Variants in WWOX observed in about 807,000 individuals in gnomAD.
WWOX encodes the protein WW domain-containing oxidoreductase.
A neutral mutation model predicts 46.2 loss-of-function variants in WWOX; 69 were observed. The observed-to-expected ratio is 1.49, with a 90% CI of 1.23 to 1.82. The LOEUF (loss-of-function observed/expected upper bound fraction) is 1.82. Ranked by LOEUF, WWOX falls within the 40% of genes most tolerant of loss-of-function variation. The pLI is 0.00. For missense variants in WWOX, 919 were observed against 542.6 expected, an observed-to-expected ratio of 1.69 and a Z score of -6.89; for synonymous variants, 359 against 202.6, an observed-to-expected ratio of 1.77 and a Z score of -6.56.
At chr16:78,678,729 G>A (rs1323214825) in intron 8 of WWOX, among the ~76,000 whole-genome samples, 1 of 152,192 alleles carries the variant, frequency 6.6e-6, no homozygotes, top group Non-Finnish European at 1.5e-5. Flanking sequence ...CGGAGGGCTG[G>A]AAGGGAGGAA....
chr16:78,587,843 A>T (rs956473036), intron 8 of WWOX, among the ~76,000 whole-genome samples: 1 of 152,162 alleles, frequency 6.6e-6, no homozygotes, highest in Non-Finnish European at 1.5e-5. Context: ...GTGAATGCCA[A>T]TTCCTTGCTG....
intron 8 of WWOX, among the ~76,000 whole-genome samples, chr16:78,727,041 G>A (rs1355783740): frequency 6.6e-6 from 1 of 152,172 alleles, no homozygotes; most frequent in Non-Finnish European, 1.5e-5. Context: ...CCTTATTCCA[G>A]CACGTGGCAT....
At chr16:79,000,473 G>C (rs2047071691) in intron 8 of WWOX, among the ~76,000 whole-genome samples, 1 of 152,168 alleles carries the variant, frequency 6.6e-6, no homozygotes, top group Non-Finnish European at 1.5e-5. Flanking sequence ...ATGGGGAAAA[G>C]AGAGGCAGAT....
intron 8 of WWOX, among the ~76,000 whole-genome samples, chr16:78,436,880 C>T (rs1370946790): frequency 6.6e-6 from 1 of 152,186 alleles, no homozygotes; most frequent in Admixed American, 6.5e-5. Context: ...ACAAAGGGTG[C>T]ATTTCTGCTA....
chr16:78,273,012 ATTTG>A (rs1049287104), intron 5 of WWOX, among the ~76,000 whole-genome samples: 12 of 151,718 alleles, frequency 7.9e-5, no homozygotes, highest in Admixed American at 3.9e-4. Context: ...TTGTTTGTTT[ATTTG>A]TTTGTTTGTT....
At chr16:78,801,581 A>G (rs1228636013) in intron 8 of WWOX, among the ~76,000 whole-genome samples, 1 of 152,128 alleles carries the variant, frequency 6.6e-6, no homozygotes, top group Admixed American at 6.5e-5. Context: ...AATGCAGCCA[A>G]AGTCCTTACT....
chr16:79,051,716 T>C (rs915758426), intron 8 of WWOX, among the ~76,000 whole-genome samples: 7 of 152,242 alleles, frequency 4.6e-5, no homozygotes, highest in Non-Finnish European at 1.0e-4. Context: ...TAGAGGTTCC[T>C]CTTGAAAGAA....
At chr16:78,478,796 G>C (rs878911541) in intron 8 of WWOX, among the ~76,000 whole-genome samples, 1 of 152,178 alleles carries the variant, frequency 6.6e-6, no homozygotes, top group Non-Finnish European at 1.5e-5. Context: ...TTCTGGTGGT[G>C]AGGGTTTTTT....
chr16:79,085,343 G>C (rs2048835107), intron 8 of WWOX, among the ~76,000 whole-genome samples: 1 of 152,156 alleles, frequency 6.6e-6, no homozygotes, highest in Admixed American at 6.6e-5. Flanking sequence ...CCAAGAAAAT[G>C]ATATGAGGTT....
chr16:78,554,051 C>T (rs1202381171), intron 8 of WWOX, among the ~76,000 whole-genome samples: 1 of 152,078 alleles, frequency 6.6e-6, no homozygotes, highest in Non-Finnish European at 1.5e-5. Context: ...TGAGTTGTTC[C>T]ACAGATACTT....
chr16:78,861,462 G>C (rs924250849), intron 8 of WWOX, among the ~76,000 whole-genome samples: 1 of 152,126 alleles, frequency 6.6e-6, no homozygotes, highest in African/African-American at 2.4e-5. Context: ...TATTACATGT[G>C]GCCATTGTTG....
At chr16:78,792,565 C>T (rs974855716) in intron 8 of WWOX, among the ~76,000 whole-genome samples, 1 of 152,130 alleles carries the variant, frequency 6.6e-6, no homozygotes, top group East Asian at 1.9e-4. Flanking sequence ...CCATTTAATA[C>T]AAATTTGTCA....
At chr16:78,855,360 C>G (rs1413651761) in intron 8 of WWOX, among the ~76,000 whole-genome samples, 4 of 151,960 alleles carry the variant, frequency 2.6e-5, no homozygotes, top group Non-Finnish European at 5.9e-5. Context: ...TTAGTGTTAG[C>G]TGACTAAAAT....
rs1439378768 is a variant in WWOX at position 78,433,089 on chromosome 16, G to C, written c.1056+337G>C. ...CTTTGAAAATCTATTTTGTTGAATGGAGCACTTGAAAACTGCTGTTTTGTG... is the reference window on the plus strand; with the variant it reads ...CTTTGAAAATCTATTTTGTTGAATGCAGCACTTGAAAACTGCTGTTTTGTG... On this transcript the variant is annotated intron_variant, in intron 8 of 8. Coordinates refer to ENST00000566780, the MANE Select transcript of WWOX (RefSeq NM_016373.4). Among the ~76,000 whole-genome samples, 12 of 152,230 alleles carry C rather than the reference G, an allele frequency of 7.9e-5. No individual in the cohort carries two copies. The East Asian group carries it at 2.1e-3, about 27-fold the overall frequency.
intron 8 of WWOX, 32 bp from the exon 9 acceptor site, chr16:79,211,576 A>G (rs1006382932): frequency 6.2e-7 from 1 of 1,607,964 alleles, no homozygotes; most frequent in Non-Finnish European, 8.5e-7. Flanking sequence ...TTTTCTTAAA[A>G]TTTTTTTTTG....
chr16:78,767,739 A>C (rs2049959090), intron 8 of WWOX, among the ~76,000 whole-genome samples: 1 of 152,080 alleles, frequency 6.6e-6, no homozygotes, highest in Admixed American at 6.6e-5. Flanking sequence ...TATTTTACTT[A>C]AAAAAATAGA....
At chr16:78,170,311 A>G (rs895594844) in intron 5 of WWOX, among the ~76,000 whole-genome samples, 3 of 152,216 alleles carry the variant, frequency 2.0e-5, no homozygotes, top group Admixed American at 1.3e-4. Flanking sequence ...TGTAAAATGC[A>G]CATCATAATA....
intron 5 of WWOX, among the ~76,000 whole-genome samples, chr16:78,177,412 G>A (rs903647059): frequency 3.9e-5 from 6 of 152,318 alleles, no homozygotes; most frequent in African/African-American, 7.2e-5. Flanking sequence ...GGGTAGTGTG[G>A]TAAGAGTGAT....
At chr16:79,032,216 A>G (rs563330562) in intron 8 of WWOX, among the ~76,000 whole-genome samples, 1 of 146,328 alleles carries the variant, frequency 6.8e-6, no homozygotes, top group African/African-American at 2.5e-5. Context: ...GTATATACAC[A>G]TATGTATATA....
Sources: allele counts gnomAD v4.1 joint callset (sites outside exome capture counted in the v4.1 genomes callset), GRCh38; gene constraint gnomAD v4.1.1; transcripts MANE v1.5; gene names NCBI Gene and HGNC (gene_info 2026-07-23, HGNC 2026-07-21).